The following STON2 variants were observed in gnomAD, a reference collection of about 807,000 sequenced individuals.
STON2 encodes stonin-2.
Under a neutral mutation model 65.7 loss-of-function variants are expected in STON2, and 29 were observed. The ratio of observed to expected loss-of-function variants is 0.44; its 90% confidence interval spans 0.33 to 0.60. The LOEUF is 0.60. STON2 is among the 20% of genes least tolerant of loss of function. The pLI, the probability that STON2 is intolerant of heterozygous loss-of-function variation, is 0.03. For synonymous variants in STON2, 404 were observed against 414.2 expected, an observed-to-expected ratio of 0.98 and a Z score of 0.30; for missense variants, 1,054 against 1,118.1, an observed-to-expected ratio of 0.94 and a Z score of 0.82.
chr14:81,343,540 C>T (rs1407198374), intron 4 of STON2, among the ~76,000 whole-genome samples: 1 of 151,808 alleles, frequency 6.6e-6, no homozygotes, highest in African/African-American at 2.4e-5. Context: ...ATCGGGTGAG[C>T]CCACCCTTCA....
intron 3 of STON2, among the ~76,000 whole-genome samples, chr14:81,379,416 T>C (rs547268267): frequency 4.7e-4 from 72 of 152,180 alleles, no homozygotes; most frequent in Admixed American, 1.3e-3. Flanking sequence ...GAGATATATA[T>C]ATGGAGATAG....
intron 2 of STON2, among the ~76,000 whole-genome samples, chr14:81,416,407 G>A (rs369417505): frequency 6.6e-6 from 1 of 152,188 alleles, no homozygotes; most frequent in Non-Finnish European, 1.5e-5. Flanking sequence ...GTAGTGGTGT[G>A]AGCTTCAGCC....
intron 4 of STON2, among the ~76,000 whole-genome samples, chr14:81,365,453 C>T (rs1898677404): frequency 6.6e-6 from 1 of 152,182 alleles, no homozygotes; most frequent in African/African-American, 2.4e-5. Context: ...CTACACTTTT[C>T]TTATGCATAA....
At chr14:81,322,357 T>C (rs1283369317) in intron 5 of STON2, among the ~76,000 whole-genome samples, 1 of 152,192 alleles carries the variant, frequency 6.6e-6, no homozygotes, top group African/African-American at 2.4e-5. Context: ...ATTTGTTTTT[T>C]AATCATAACT....
intron 4 of STON2, among the ~76,000 whole-genome samples, chr14:81,357,827 G>A (rs1595390812): frequency 1.4e-5 from 2 of 144,678 alleles, no homozygotes; most frequent in East Asian, 4.1e-4. Flanking sequence ...TTATAGGTGG[G>A]AATTGAACAA....
intron 3 of STON2, among the ~76,000 whole-genome samples, chr14:81,378,516 T>C (rs1245966786): frequency 6.6e-6 from 1 of 152,240 alleles, no homozygotes; most frequent in Non-Finnish European, 1.5e-5. Flanking sequence ...GTGCCTGGCC[T>C]GATACTAGTC....
intron 4 of STON2, among the ~76,000 whole-genome samples, chr14:81,344,385 A>G (rs967586181): frequency 6.6e-6 from 1 of 152,224 alleles, no homozygotes; most frequent in African/African-American, 2.4e-5. Flanking sequence ...AGAAATATAC[A>G]TATAAACACA....
At chr14:81,411,699 G>A (rs12432021) in intron 2 of STON2, among the ~76,000 whole-genome samples, 104,399 of 152,158 alleles carry the variant, frequency 0.69, 36,053 homozygotes, top group African/African-American at 0.75. Flanking sequence ...CTTTGCAACA[G>A]GAGTGAAACT....
intron 4 of STON2, among the ~76,000 whole-genome samples, chr14:81,344,148 T>C (rs1897724818): frequency 6.6e-6 from 1 of 152,168 alleles, no homozygotes; most frequent in South Asian, 2.1e-4. Flanking sequence ...TAAACACATC[T>C]ATCATAAAAG....
At chr14:81,418,581 T>C (rs1901553978) in intron 2 of STON2, among the ~76,000 whole-genome samples, 1 of 152,210 alleles carries the variant, frequency 6.6e-6, no homozygotes, top group Non-Finnish European at 1.5e-5. Context: ...GTTACCAGCA[T>C]ACACATTGTT....
chr14:81,340,600 A>G (rs1378800520), intron 4 of STON2, among the ~76,000 whole-genome samples: 2 of 152,226 alleles, frequency 1.3e-5, no homozygotes, highest in African/African-American at 4.8e-5. Flanking sequence ...CCCCGCTGGC[A>G]GTAAGCTGTG....
intron 3 of STON2, among the ~76,000 whole-genome samples, chr14:81,385,852 T>C (rs1170682053): frequency 6.6e-6 from 1 of 152,170 alleles, no homozygotes; most frequent in African/African-American, 2.4e-5. Flanking sequence ...AACTAATGCA[T>C]ATTTGACCCA....
At position 81,353,307 on chromosome 14, in the gene STON2, C is replaced by T. The variant is rs529101917; in HGVS notation, c.571+17681G>A. On this transcript the variant is annotated intron_variant, in intron 4 of 7. Transcript: ENST00000614646. ...TTTCAGTGAGCAAATACACTTAAGCCTAGGTAATTGGAGAAAAGGTTTGGA... is the reference window on the plus strand; with the variant it reads ...TTTCAGTGAGCAAATACACTTAAGCTTAGGTAATTGGAGAAAAGGTTTGGA... Among the ~76,000 whole-genome samples, 53 of 152,290 alleles carry T rather than the reference C, an allele frequency of 3.5e-4. No homozygotes were observed. In the South Asian group the frequency reaches 1.0e-2, roughly 29 times the overall value.
chr14:81,332,768 T>C (rs1264973761), intron 4 of STON2, among the ~76,000 whole-genome samples: 2 of 152,230 alleles, frequency 1.3e-5, no homozygotes, highest in Non-Finnish European at 2.9e-5. Context: ...TAATAAATTA[T>C]TGGAAGAGCT....
intron 1 of STON2, among the ~76,000 whole-genome samples, chr14:81,433,966 C>T (rs772229003): frequency 3.5e-4 from 54 of 152,158 alleles, no homozygotes; most frequent in Non-Finnish European, 7.1e-4. Flanking sequence ...GTTTCCAATC[C>T]CACCTCACCC....
intron 1 of STON2, among the ~76,000 whole-genome samples, chr14:81,431,235 G>C (rs1384558898): frequency 6.6e-6 from 1 of 152,070 alleles, no homozygotes; most frequent in Non-Finnish European, 1.5e-5. Flanking sequence ...ACACCTTCAA[G>C]GTATGACTTG....
chr14:81,435,560 A>G (rs933848517), intron 1 of STON2, among the ~76,000 whole-genome samples: 1 of 152,074 alleles, frequency 6.6e-6, no homozygotes, highest in Non-Finnish European at 1.5e-5. Context: ...GCGTCGGGAG[A>G]GGCGGGGAGG....
chr14:81,305,323 C>A (rs930717344), intron 5 of STON2, among the ~76,000 whole-genome samples: 2 of 152,226 alleles, frequency 1.3e-5, no homozygotes, highest in Non-Finnish European at 2.9e-5. Flanking sequence ...TACACTCCCA[C>A]CCACTGTGTA....
Position 81,263,765 on chromosome 14 carries a change from G to A in STON2, c.*4649C>T. ...AGAGTTAAAGTTACCACTCGAACTG[G>A]GAGCATTTCTATAAGCAGGCTGGAT... On this transcript the variant is annotated 3_prime_UTR_variant, in exon 8 of 8. Coordinates refer to ENST00000614646, the MANE Select transcript of STON2 (RefSeq NM_001394390.1). 1.0e-6 allele frequency: 1 copy of A among 985,206 alleles called. No homozygotes were observed. The highest frequency in any genetic ancestry group is 1.2e-6 in the Non-Finnish European group (1 of 829,864). The allele number at this position is 985,206 out of a possible 1,614,324, so 61.0% of individuals were successfully genotyped here.
Sources: allele counts gnomAD v4.1 joint callset (sites outside exome capture counted in the v4.1 genomes callset), GRCh38; gene constraint gnomAD v4.1.1; transcripts MANE v1.5; gene names NCBI Gene and HGNC (gene_info 2026-07-23, HGNC 2026-07-21).